The following LONP1 variants were observed in gnomAD, a reference collection of about 807,000 sequenced individuals.
LONP1 encodes the protein lon peptidase 1, mitochondrial.
A neutral mutation model predicts 98.5 loss-of-function variants in LONP1; 31 were observed. The ratio of observed to expected loss-of-function variants is 0.31; its 90% confidence interval spans 0.24 to 0.42. LONP1 has a LOEUF of 0.42. Among genes scored for constraint, LONP1 ranks in the 20% least tolerant of loss-of-function variants. The pLI is 1.00. For missense variants in LONP1, 1,336 were observed against 1,350.6 expected, an observed-to-expected ratio of 0.99 and a Z score of 0.17; for synonymous variants, 781 against 594.7, an observed-to-expected ratio of 1.31 and a Z score of -4.56.
intron 10 of LONP1, among the ~76,000 whole-genome samples, chr19:5,697,276 TGGAG>T (rs2054950425): frequency 1.3e-5 from 2 of 151,532 alleles, no homozygotes; most frequent in Admixed American, 1.3e-4. Context: ...GAGGCAGGGA[TGGAG>T]GGACTGAGAT....
In LONP1 at chr19:5,696,438, C is replaced by G. The variant is rs1328949437; in HGVS notation, c.1774-67G>C. 26 of 1,566,880 alleles carry G rather than the reference C, an allele frequency of 1.7e-5. No individual in the cohort carries two copies. In the Admixed American group the frequency reaches 4.3e-4, roughly 26 times the overall value. On this transcript the variant is annotated intron_variant, in intron 11 of 17. Transcript: ENST00000360614. ...TGGCCAGCCCGCCCAGTGGGGAGAC[C>G]CCAGGGTCAGGGCTGGGGAGACCCC...
chr19:5,703,505 A>G lies in LONP1; in HGVS notation c.1367+2267T>C, dbSNP rs1167415029. On this transcript the variant is annotated intron_variant, in intron 8 of 17. Transcript: ENST00000360614. Reference sequence around the variant, plus strand: ...GGCCACTATGGGCCAGGAGCAAGTCAGTGAGGGCTGCAAGAGCACACGGCA... The same window carrying G: ...GGCCACTATGGGCCAGGAGCAAGTCGGTGAGGGCTGCAAGAGCACACGGCA... Among the ~76,000 whole-genome samples the G allele has an allele frequency of 2.0e-5, 3 of 152,102 alleles. No individual in the cohort carries two copies. The East Asian group carries it at 5.8e-4, about 29-fold the overall frequency.
intron 1 of LONP1, among the ~76,000 whole-genome samples, chr19:5,714,594 C>CG (rs2055285542): frequency 6.6e-6 from 1 of 150,406 alleles, no homozygotes; most frequent in Non-Finnish European, 1.5e-5. Context: ...CGTGAGCCAC[C>CG]AAACGCAGCA....
intron 1 of LONP1, 115 bp from the exon 2 acceptor site, chr19:5,714,386 T>A (rs1438118749): frequency 1.4e-6 from 1 of 700,730 alleles, no homozygotes; most frequent in Admixed American, 2.3e-5. Flanking sequence ...CACTGCAACC[T>A]CCACCCCCAC....
chr19:5,719,957 G>A lies in LONP1; in HGVS notation c.176C>T (p.Pro59Leu), dbSNP rs554472632. The change falls in exon 1 of 18, where the codon CCG becomes CTG. Residue 59 changes from proline to leucine, a missense_variant. By Grantham distance (98) the Pro-to-Leu change is moderately conservative. Coordinates refer to ENST00000360614, the MANE Select transcript of LONP1 (RefSeq NM_004793.4). The part of the protein sequence containing the change: ...SPPWALWGRG[P>L]AIGGQWRGFW... ...CCCCCGCCATTGGCCCCCAATTGCC[G>A]GGCCTCGGCCCCACAGTGCCCAAGG... is the stretch of plus-strand genomic sequence containing the variant. 1 of 1,571,798 alleles carries A rather than the reference G, an allele frequency of 6.4e-7. No individual in the cohort carries two copies. Among genetic ancestry groups the A allele is most frequent in the Non-Finnish European group, 8.6e-7 (1 of 1,160,748 alleles).
chr19:5,696,496 C>T lies in LONP1; in HGVS notation c.1774-125G>A, dbSNP rs538284201. The T allele has an allele frequency of 3.0e-5, 42 of 1,394,632 alleles. 1 individual carries two copies. Among genetic ancestry groups the T allele is most frequent in the South Asian group, 6.7e-5 (5 of 75,150 alleles). 86.4% of individuals were successfully genotyped at this position (1,394,632 alleles called of 1,614,324 possible). A position where few individuals can be genotyped will look rare whatever the true frequency, so the allele number is the denominator to read the frequency against. On this transcript the variant is annotated intron_variant, in intron 11 of 17. Transcript: ENST00000360614. Reference sequence around the variant, plus strand: ...AGCGGCACCCACACCCTGCCTTGGACGGGCAGCCTGCTGGGCGTGGCTGTG... The same window carrying T: ...AGCGGCACCCACACCCTGCCTTGGATGGGCAGCCTGCTGGGCGTGGCTGTG...
At chr19:5,702,460 C>T (rs1210255329) in intron 8 of LONP1, among the ~76,000 whole-genome samples, 6 of 151,798 alleles carry the variant, frequency 4.0e-5, no homozygotes, top group Non-Finnish European at 1.5e-5. Flanking sequence ...CCTGGCCAGC[C>T]GCCCCCTCTG....
intron 3 of LONP1, 56 bp from the exon 4 acceptor site, chr19:5,712,058 G>T: frequency 7.0e-7 from 1 of 1,434,426 alleles, no homozygotes. Context: ...AGCTGGACCC[G>T]GCTGAGGCCT....
intron 17 of LONP1, 40 bp downstream of exon 17, chr19:5,693,258 G>C (rs1568309488): frequency 6.3e-7 from 1 of 1,577,296 alleles, no homozygotes; most frequent in Admixed American, 1.7e-5. Flanking sequence ...TGGTGGTGTG[G>C]GCCCTGCCAG....
At chr19:5,713,956 A>C (rs1299311925) in intron 2 of LONP1, among the ~76,000 whole-genome samples, 1 of 152,220 alleles carries the variant, frequency 6.6e-6, no homozygotes, top group Non-Finnish European at 1.5e-5. Context: ...AGAGTCCCTG[A>C]AGTTAATTTC....
intron 17 of LONP1, among the ~76,000 whole-genome samples, chr19:5,692,698 C>T (rs2054849580): frequency 6.6e-6 from 1 of 152,224 alleles, no homozygotes; most frequent in Admixed American, 6.5e-5. Context: ...TCACCGCACA[C>T]TGACTCCATG....
chr19:5,692,857 G>GT lies in LONP1; in HGVS notation c.2703+440_2703+441insA, dbSNP rs1308783157. Among the ~76,000 whole-genome samples the GT allele has an allele frequency of 6.6e-5, 10 of 152,252 alleles. No individual in the cohort carries two copies. The East Asian group carries it at 1.4e-3, about 21-fold the overall frequency. ...CTGCACCAGGCTTCCTAGACACATG[G>GT]CAAGTGTGGTCCAGTCTGGGGACAG... On this transcript the variant is annotated intron_variant, in intron 17 of 17. Coordinates refer to ENST00000360614, the MANE Select transcript of LONP1 (RefSeq NM_004793.4).
chr19:5,704,149 G>A (rs1274739135), intron 8 of LONP1, among the ~76,000 whole-genome samples: 1 of 152,184 alleles, frequency 6.6e-6, no homozygotes, highest in Non-Finnish European at 1.5e-5. Context: ...GAGACTGACT[G>A]GAAGAGGCTG....
At chr19:5,713,061 C>A in intron 3 of LONP1, 73 bp downstream of exon 3, 2 of 1,601,142 alleles carry the variant, frequency 1.2e-6, no homozygotes, top group Non-Finnish European at 1.7e-6. Flanking sequence ...GATGCTGGGG[C>A]ATAAGGCATC....
chr19:5,705,638 T>A, intron 8 of LONP1, 134 bp downstream of exon 8: 1 of 672,540 alleles, frequency 1.5e-6, no homozygotes, highest in Non-Finnish European at 2.6e-6. Context: ...TGATACTCGC[T>A]GGATGCCTCC....
In LONP1 at chr19:5,694,557, G is replaced by C. The variant is rs926652275; in HGVS notation, c.2155-5C>G. On this transcript the variant is annotated splice_region_variant and splice_polypyrimidine_tract_variant and intron_variant, in intron 14 of 17. Transcript: ENST00000360614. ...GTAGGCCGATTTCCGTAACACCTGG[G>C]CGGTCAGGGCAACACAATGGGCACG... 6.2e-7 allele frequency: 1 copy of C among 1,610,396 alleles called. No homozygotes were observed. Among genetic ancestry groups the C allele is most frequent in the African/African-American group, 1.3e-5 (1 of 74,822 alleles).
intron 3 of LONP1, among the ~76,000 whole-genome samples, chr19:5,712,648 C>T (rs1013271581): frequency 5.3e-5 from 8 of 152,186 alleles, no homozygotes; most frequent in Admixed American, 2.0e-4. Flanking sequence ...AGGAACACGC[C>T]GTCACATCTA....
intron 8 of LONP1, among the ~76,000 whole-genome samples, chr19:5,702,525 T>TGAGGGGTGCCTCTGCCCG (rs1599462066): frequency 1.3e-5 from 2 of 151,852 alleles, no homozygotes; most frequent in Non-Finnish European, 1.5e-5. Flanking sequence ...ATCTGGGAGG[T>TGAGGGGTGCCTCTGCCCG]GTACCCAACA....
chr19:5,701,918 TGAG>T (rs1223914159), intron 8 of LONP1, among the ~76,000 whole-genome samples: 2 of 148,364 alleles, frequency 1.3e-5, no homozygotes, highest in Non-Finnish European at 3.0e-5. Flanking sequence ...GTCTGGGATA[TGAG>T]GAGCGCCTCT....
Sources: gnomAD v4.1 joint callset for allele counts (sites outside exome capture counted in the v4.1 genomes callset) on GRCh38, gnomAD v4.1.1 for gene constraint, MANE v1.5 for transcripts, NCBI Gene and HGNC (gene_info 2026-07-23, HGNC 2026-07-21) for gene names.